The following DBF4B variants were observed in gnomAD, a reference collection of about 807,000 sequenced individuals.
DBF4B encodes protein DBF4 homolog B.
Under a neutral mutation model 53.4 loss-of-function variants are expected in DBF4B, and 49 were observed. The observed-to-expected ratio is 0.92, with a 90% CI of 0.73 to 1.16. The LOEUF is 1.16. Among genes scored for constraint, DBF4B ranks in the 50% most tolerant of loss-of-function variants. DBF4B has a pLI of 0.00. For missense variants in DBF4B, 692 were observed against 775.0 expected (o/e 0.89, Z 1.27); for synonymous variants, 257 against 288.7 (o/e 0.89, Z 1.11).
intron 3 of DBF4B, 92 bp downstream of exon 3, chr17:44,723,114 T>C: frequency 2.6e-6 from 4 of 1,511,262 alleles, no homozygotes; most frequent in Non-Finnish European, 3.5e-6. Context: ...TTTCCAAGTA[T>C]TTTCTTTTTT....
intron 3 of DBF4B, among the ~76,000 whole-genome samples, chr17:44,727,127 A>G (rs866942729): frequency 7.0e-6 from 1 of 142,524 alleles, no homozygotes; most frequent in Middle Eastern, 4.0e-3. Context: ...AAAAAACCAT[A>G]TATATATTTA....
At chr17:44,714,688 T>C (rs1973179864) in intron 2 of DBF4B, among the ~76,000 whole-genome samples, 1 of 152,122 alleles carries the variant, frequency 6.6e-6, no homozygotes, top group African/African-American at 2.4e-5. Context: ...TTGCTATTTC[T>C]ATTGCTATTA....
intron 10 of DBF4B, among the ~76,000 whole-genome samples, chr17:44,745,561 G>A (rs989337729): frequency 6.6e-6 from 1 of 152,162 alleles, no homozygotes; most frequent in African/African-American, 2.4e-5. Flanking sequence ...CCTTACAAAA[G>A]CATCACATCT....
chr17:44,734,964 C>T (rs959920738), intron 7 of DBF4B, among the ~76,000 whole-genome samples: 2 of 152,110 alleles, frequency 1.3e-5, no homozygotes, highest in Non-Finnish European at 1.5e-5. Context: ...ATTAGCCGGG[C>T]GTGGTGGCAC....
At position 44,733,906 on chromosome 17, in the gene DBF4B, G is replaced by A. The variant is rs1975089895; in HGVS notation, c.557-184G>A. The A allele has an allele frequency of 8.4e-6, 5 of 592,944 alleles. No individual in the cohort carries two copies. In the South Asian group the frequency reaches 1.0e-4, roughly 12 times the overall value. 36.7% of individuals were successfully genotyped at this position (592,944 alleles called of 1,614,324 possible). On this transcript the variant is annotated intron_variant, in intron 6 of 13. Coordinates refer to ENST00000315005, the MANE Select transcript of DBF4B (RefSeq NM_145663.3). ...CTCAGGTGCTGTTCCAGGGATAGAG[G>A]ACCCAGTCCTTAACCTCCGCTGTCA...
chr17:44,751,574 C>G lies in DBF4B; in HGVS notation c.*321C>G, dbSNP rs960355382. 3 of 1,345,698 alleles carry G rather than the reference C, an allele frequency of 2.2e-6. No individual in the cohort carries two copies. The highest frequency in any genetic ancestry group is 2.8e-4 in the Middle Eastern group (1 of 3,540). The allele number at this position is 1,345,698 out of a possible 1,614,324, so 83.4% of individuals were successfully genotyped here. ...CCTTCTCAGACTTGCCACCTTTCCC[C>G]TCTGCCCCAAAATGCCATGCTCCTC... On this transcript the variant is annotated 3_prime_UTR_variant, in exon 14 of 14. Transcript: ENST00000315005.
chr17:44,743,607 CTT>C lies in DBF4B; in HGVS notation c.830+2175_830+2176del, dbSNP rs71136042. ...CCAGCATAGTCAATACTGTATGATT[CTT>C]TTTTTTTTTTTTTTTTTTTGAGAAT... On this transcript the variant is annotated intron_variant, in intron 10 of 13. Coordinates refer to ENST00000315005, the MANE Select transcript of DBF4B (RefSeq NM_145663.3). Among the ~76,000 whole-genome samples the C allele has an allele frequency of 5.4e-3, 617 of 114,044 alleles. 3 individuals are homozygous for C. The highest frequency in any genetic ancestry group is 0.011 in the Admixed American group (118 of 10,852). The allele number at this position is 114,044 out of a possible 152,430, so 74.8% of individuals were successfully genotyped here.
chr17:44,720,927 T>C (rs998395473), intron 2 of DBF4B, among the ~76,000 whole-genome samples: 1 of 151,970 alleles, frequency 6.6e-6, no homozygotes, highest in Non-Finnish European at 1.5e-5. Context: ...AGTGTAATCT[T>C]AACTCTTAAC....
At chr17:44,744,081 A>ACCCCCCCCCCCC in intron 10 of DBF4B, among the ~76,000 whole-genome samples, 14 of 8,702 alleles carry the variant, frequency 1.6e-3, no homozygotes, top group Admixed American at 4.6e-3. Flanking sequence ...TAATGAGACC[A>ACCCCCCCCCCCC]CCCCCCCCCC....
At chr17:44,723,843 G>T (rs947920451) in intron 3 of DBF4B, among the ~76,000 whole-genome samples, 1 of 152,180 alleles carries the variant, frequency 6.6e-6, no homozygotes, top group Admixed American at 6.6e-5. Flanking sequence ...GGGCACAGTG[G>T]CTCATGACTG....
chr17:44,708,914 A>AGG, intron 1 of DBF4B, 75 bp downstream of exon 1: 1 of 1,535,452 alleles, frequency 6.5e-7, no homozygotes, highest in Non-Finnish European at 8.8e-7. Context: ...GGAGTCGTGG[A>AGG]GGGGGCTTAG....
At chr17:44,745,998 G>C (rs1187502584) in intron 10 of DBF4B, among the ~76,000 whole-genome samples, 3 of 149,624 alleles carry the variant, frequency 2.0e-5, no homozygotes, top group Non-Finnish European at 3.0e-5. Flanking sequence ...ACCTGAGGTC[G>C]GGAGTTTGAG....
At chr17:44,713,617 C>G (rs112651803) in intron 2 of DBF4B, among the ~76,000 whole-genome samples, 6,808 of 152,188 alleles carry the variant, frequency 0.045, 191 homozygotes, top group Non-Finnish European at 0.073. Context: ...CCGCTGCACT[C>G]CAGCTTGGGC....
At chr17:44,726,459 G>T (rs142859878) in intron 3 of DBF4B, among the ~76,000 whole-genome samples, 2 of 149,726 alleles carry the variant, frequency 1.3e-5, no homozygotes, top group African/African-American at 2.5e-5. Flanking sequence ...ACAGGGTCTC[G>T]CTGTGTTGGT....
intron 12 of DBF4B, 138 bp downstream of exon 12, chr17:44,747,653 T>C: frequency 1.6e-6 from 2 of 1,221,920 alleles, no homozygotes; most frequent in Non-Finnish European, 2.2e-6. Context: ...TTTCCCCTTA[T>C]CCTCAGTCCT....
At chr17:44,710,312 C>T (rs1400880965) in intron 2 of DBF4B, among the ~76,000 whole-genome samples, 1 of 151,334 alleles carries the variant, frequency 6.6e-6, no homozygotes, top group African/African-American at 2.4e-5. Context: ...GGTTTTTTTT[C>T]CCCCTTCTGT....
At position 44,749,200 on chromosome 17, in the gene DBF4B, C is replaced by T. The variant is rs1275169871; in HGVS notation, c.1189+735C>T. On this transcript the variant is annotated intron_variant, in intron 13 of 13. Coordinates refer to ENST00000315005, the MANE Select transcript of DBF4B (RefSeq NM_145663.3). The surrounding 1 kb of genome is among the most constrained non-coding windows in gnomAD (Gnocchi z 4.4). ...AGCCAGTGCGGGAGCCAGCTGTTCCCGATGCCTCTGGGCCCCCCAGCCTCT... is the reference window on the plus strand; with the variant it reads ...AGCCAGTGCGGGAGCCAGCTGTTCCTGATGCCTCTGGGCCCCCCAGCCTCT... 5.4e-6 allele frequency: 7 copies of T among 1,290,012 alleles called. No homozygotes were observed. Among genetic ancestry groups the T allele is most frequent in the East Asian group, 5.5e-5 (1 of 18,022 alleles). 79.9% of individuals were successfully genotyped at this position (1,290,012 alleles called of 1,614,324 possible).
intron 3 of DBF4B, among the ~76,000 whole-genome samples, chr17:44,726,032 C>T (rs1000699287): frequency 6.6e-6 from 1 of 150,832 alleles, no homozygotes; most frequent in Non-Finnish European, 1.5e-5. Context: ...TCTTGTTGCC[C>T]AGGCTGGAGT....
In DBF4B at chr17:44,722,886, C is replaced by A. The variant is rs759337451; in HGVS notation, c.89C>A (p.Ser30Tyr). The A allele has an allele frequency of 1.2e-6, 2 of 1,613,892 alleles. No individual in the cohort carries two copies. The highest frequency in any genetic ancestry group is 2.7e-5 in the African/African-American group (2 of 74,882). Residue 30 changes from serine to tyrosine, a missense_variant, in exon 3 of 14, where the codon TCC becomes TAC. By Grantham distance (144) the Ser-to-Tyr change is moderately radical. Around this residue, in one of 3 missense-constraint regions of DBF4B, gnomAD observed 66 missense variants for 51.3 expected, o/e 1.29. Coordinates refer to ENST00000315005, the MANE Select transcript of DBF4B (RefSeq NM_145663.3). ...SRLRAPDLGV[S>Y]RCLGKCQKNS... ...CCTCTTTATTGTTTTCTAGGAGTTT[C>A]CAGGTGTCTAGGAAAATGCCAGAAG...
Sources: allele counts gnomAD v4.1 joint callset (sites outside exome capture counted in the v4.1 genomes callset), GRCh38; gene constraint gnomAD v4.1.1; regional missense constraint gnomAD v4.1.1; non-coding constraint Gnocchi (gnomAD v3.1); transcripts MANE v1.5; gene names NCBI Gene and HGNC (gene_info 2026-07-23, HGNC 2026-07-21).